Variants in KCNIP4 observed in about 807,000 individuals in gnomAD.
The protein encoded by KCNIP4 is Kv channel-interacting protein 4.
Under a neutral mutation model 34.0 loss-of-function variants are expected in KCNIP4, and 12 were observed. The observed-to-expected ratio is 0.35, with a 90% CI of 0.23 to 0.57. The LOEUF (loss-of-function observed/expected upper bound fraction) is 0.57. Ranked by LOEUF, KCNIP4 falls within the 20% of genes least tolerant of loss-of-function variation. The pLI is 0.83. For missense variants in KCNIP4, 238 were observed against 311.7 expected, an observed-to-expected ratio of 0.76 and a Z score of 1.78; for synonymous variants, 124 against 102.2, an observed-to-expected ratio of 1.21 and a Z score of -1.29.
intron 1 of KCNIP4, among the ~76,000 whole-genome samples, chr4:21,614,924 C>G (rs949566468): frequency 6.6e-6 from 1 of 152,080 alleles, no homozygotes; most frequent in African/African-American, 2.4e-5. Context: ...CATGTGTCAC[C>G]GTCTGAAGCC....
chr4:21,731,456 A>G (rs940803759), intron 1 of KCNIP4, among the ~76,000 whole-genome samples: 4 of 152,176 alleles, frequency 2.6e-5, no homozygotes, highest in Non-Finnish European at 5.9e-5. Flanking sequence ...TATGAAGAGT[A>G]GTTTGCTTCT....
intron 1 of KCNIP4, among the ~76,000 whole-genome samples, chr4:21,765,054 G>A (rs931936138): frequency 2.0e-5 from 3 of 151,976 alleles, no homozygotes; most frequent in Non-Finnish European, 4.4e-5. Flanking sequence ...CTACTCTCAG[G>A]GAGTATACAC....
Position 21,082,030 on chromosome 4 carries a change from T to A in KCNIP4, c.62-199321A>T, listed in dbSNP as rs1371932955. The stretch of plus-strand genomic sequence containing the variant: ...CTCCTTTGAAAAGGCTAATTGCTGA[T>A]GATTTCGCAGAAAAGAGGTCTATTC... On this transcript the variant is annotated intron_variant, in intron 1 of 8. Coordinates refer to ENST00000382152, the MANE Select transcript of KCNIP4 (RefSeq NM_025221.6). Among the ~76,000 whole-genome samples the A allele has an allele frequency of 2.6e-5, 4 of 152,026 alleles. No homozygotes were observed. In the East Asian group the frequency reaches 7.7e-4, roughly 29 times the overall value.
At chr4:21,487,762 A>G (rs1338603483) in intron 1 of KCNIP4, among the ~76,000 whole-genome samples, 1 of 152,192 alleles carries the variant, frequency 6.6e-6, no homozygotes, top group Non-Finnish European at 1.5e-5. Flanking sequence ...ACAATACCAC[A>G]TAGCTTATTT....
At chr4:21,340,690 G>A (rs1331552392) in intron 1 of KCNIP4, among the ~76,000 whole-genome samples, 1 of 151,968 alleles carries the variant, frequency 6.6e-6, no homozygotes, top group Non-Finnish European at 1.5e-5. Context: ...AAAAAAAAAG[G>A]TATATTTCTA....
intron 1 of KCNIP4, among the ~76,000 whole-genome samples, chr4:21,247,649 A>G (rs1760328446): frequency 1.4e-5 from 2 of 140,362 alleles, no homozygotes; most frequent in Non-Finnish European, 3.0e-5. Context: ...CTATATATTT[A>G]TATCTATATA....
chr4:21,085,675 C>T (rs1577665608), intron 1 of KCNIP4, among the ~76,000 whole-genome samples: 1 of 152,198 alleles, frequency 6.6e-6, no homozygotes, highest in East Asian at 1.9e-4. Context: ...CAAGGAATTT[C>T]ATATAAATAG....
rs1021370161 is a variant in KCNIP4 at position 21,333,705 on chromosome 4, A to T, written c.62-450996T>A. Reference sequence around the variant, plus strand: ...CCAGTTAAATTAAAAAGAAAAAAAAAGTCCATGGCAATACATACTGGCATT... The same window carrying T: ...CCAGTTAAATTAAAAAGAAAAAAAATGTCCATGGCAATACATACTGGCATT... On this transcript the variant is annotated intron_variant, in intron 1 of 8. Transcript: ENST00000382152. 2.6e-5 allele frequency among the ~76,000 whole-genome samples: 4 copies of T among 152,182 alleles called. No homozygotes were observed. In the South Asian group the frequency reaches 6.2e-4, roughly 24 times the overall value.
chr4:21,696,252 T>C (rs1008099057), intron 1 of KCNIP4, among the ~76,000 whole-genome samples: 1 of 152,146 alleles, frequency 6.6e-6, no homozygotes, highest in African/African-American at 2.4e-5. Context: ...GTATATGCAG[T>C]TTAGTTAATT....
chr4:21,509,316 G>A (rs913821477), intron 1 of KCNIP4, among the ~76,000 whole-genome samples: 4 of 152,044 alleles, frequency 2.6e-5, no homozygotes. Context: ...TCTTTTACAG[G>A]TATGAAAATT....
intron 1 of KCNIP4, among the ~76,000 whole-genome samples, chr4:21,050,601 A>T (rs929796557): frequency 1.3e-5 from 2 of 152,226 alleles, no homozygotes; most frequent in Admixed American, 1.3e-4. Flanking sequence ...ATAGTTGAAT[A>T]ATTCTATAAA....
intron 1 of KCNIP4, among the ~76,000 whole-genome samples, chr4:21,300,699 C>T (rs1711573065): frequency 6.6e-6 from 1 of 152,000 alleles, no homozygotes; most frequent in South Asian, 2.1e-4. Flanking sequence ...ATGAATATTT[C>T]CCTGAGGTAT....
At chr4:21,763,082 A>G (rs1718169813) in intron 1 of KCNIP4, 2 of 1,288,590 alleles carry the variant, frequency 1.6e-6, no homozygotes, top group Non-Finnish European at 2.0e-6. Flanking sequence ...TCGTCAGGAC[A>G]CTCAGGAATG....
intron 1 of KCNIP4, among the ~76,000 whole-genome samples, chr4:21,773,306 T>C (rs1008239340): frequency 1.3e-5 from 2 of 152,196 alleles, no homozygotes; most frequent in Non-Finnish European, 2.9e-5. Flanking sequence ...TCAGTTCTTT[T>C]GCGTTTGCTG....
At chr4:21,153,780 G>C (rs1266595471) in intron 1 of KCNIP4, among the ~76,000 whole-genome samples, 2 of 151,924 alleles carry the variant, frequency 1.3e-5, no homozygotes, top group Non-Finnish European at 2.9e-5. Context: ...ACAGCTCCTT[G>C]AGCACTCAGT....
chr4:21,216,667 C>T (rs987400676), intron 1 of KCNIP4, among the ~76,000 whole-genome samples: 6 of 152,266 alleles, frequency 3.9e-5, no homozygotes, highest in Non-Finnish European at 5.9e-5. Context: ...TCACCCAAGC[C>T]TGGCTTCTTG....
chr4:20,981,418 A>ATGTG lies in KCNIP4; in HGVS notation c.62-98710_62-98709insCACA, dbSNP rs1361352919. Among the ~76,000 whole-genome samples the ATGTG allele has an allele frequency of 2.0e-5, 3 of 152,198 alleles. No individual in the cohort carries two copies. In the East Asian group the frequency reaches 5.8e-4, roughly 29 times the overall value. On this transcript the variant is annotated intron_variant, in intron 1 of 8. Coordinates refer to ENST00000382152, the MANE Select transcript of KCNIP4 (RefSeq NM_025221.6). ...GAAAATATTTCACATGGTATTAGCC[A>ATGTG]ATTCAGGAAAAGACTCAAGAATTCC...
intron 1 of KCNIP4, among the ~76,000 whole-genome samples, chr4:21,573,246 T>G (rs1371773773): frequency 1.3e-5 from 2 of 152,138 alleles, no homozygotes; most frequent in Non-Finnish European, 2.9e-5. Context: ...CCAGGAACTT[T>G]AAATGTATGA....
Position 21,647,863 on chromosome 4 carries a change from C to CTTTTTTTTTTTTTT in KCNIP4, c.61+300694_61+300707dup, listed in dbSNP as rs10539950. Among the ~76,000 whole-genome samples the CTTTTTTTTTTTTTT allele has an allele frequency of 3.3e-5, 2 of 60,198 alleles. 1 individual carries two copies. The highest frequency in any genetic ancestry group is 5.2e-5 in the Non-Finnish European group (2 of 38,130). 39.5% of individuals were successfully genotyped at this position (60,198 alleles called of 152,430 possible). On this transcript the variant is annotated intron_variant, in intron 1 of 8. Coordinates refer to ENST00000382152, the MANE Select transcript of KCNIP4 (RefSeq NM_025221.6). ...TGGAAGACATTCTGCTACAATGATG[C>CTTTTTTTTTTTTTT]TTTTTTTTTTTTTTTTTTTTTTTTT...
Sources: allele counts gnomAD v4.1 joint callset (sites outside exome capture counted in the v4.1 genomes callset), GRCh38; gene constraint gnomAD v4.1.1; transcripts MANE v1.5; gene names NCBI Gene and HGNC (gene_info 2026-07-23, HGNC 2026-07-21).